The following SEC63 variants were observed in gnomAD, a reference collection of about 807,000 sequenced individuals.
SEC63 encodes the protein SEC63 protein translocation regulator.
SEC63 carries 56 observed loss-of-function variants against 116.2 expected under a neutral mutation model. The ratio of observed to expected loss-of-function variants is 0.48; its 90% CI spans 0.39 to 0.60. SEC63 has a LOEUF of 0.60. Ranked by LOEUF, SEC63 falls within the 20% of genes least tolerant of loss-of-function variation. The pLI, the probability that SEC63 is intolerant of heterozygous loss-of-function variation, is 0.00. For synonymous variants in SEC63, 273 were observed against 294.6 expected (o/e 0.93, Z 0.75); for missense variants, 668 against 900.0 (o/e 0.74, Z 3.30).
At chr6:107,920,392 G>A (rs1247027925) in intron 4 of SEC63, among the ~76,000 whole-genome samples, 1 of 120,080 alleles carries the variant, frequency 8.3e-6, no homozygotes, top group East Asian at 2.6e-4. Context: ...CGCCACTGCA[G>A]TCCAGCCTGG....
intron 1 of SEC63, among the ~76,000 whole-genome samples, chr6:107,951,960 G>A (rs1296523831): frequency 1.4e-5 from 2 of 139,838 alleles, no homozygotes; most frequent in Non-Finnish European, 3.0e-5. Flanking sequence ...GTGACAGAGC[G>A]AGACTCCATC....
intron 2 of SEC63, among the ~76,000 whole-genome samples, chr6:107,926,602 T>TA (rs1013259451): frequency 8.6e-5 from 13 of 152,034 alleles, no homozygotes; most frequent in Admixed American, 6.5e-4. Context: ...CTCAATATGC[T>TA]AAAAACAAAA....
rs766407309 is a variant in SEC63 at position 107,871,846 on chromosome 6, A to C, written c.2141T>G (p.Leu714Trp). ...MGLDQIKPLKLEVHEAKPVPE... is the reference protein window; with the variant it reads ...MGLDQIKPLKWEVHEAKPVPE... ...CACAGGCTTAGCCTCATGAACTTCCAACTAGAAAGAAGAATTAAATGTAGA... is the reference window on the plus strand; with the variant it reads ...CACAGGCTTAGCCTCATGAACTTCCCACTAGAAAGAAGAATTAAATGTAGA... Residue 714 changes from leucine (L) to tryptophan (W), a missense_variant and splice_region_variant, in exon 21 of 21, where the codon TTG (leucine) becomes TGG (tryptophan). By Grantham distance (61) the Leu-to-Trp change is moderately conservative. Transcript: ENST00000369002. 6.2e-7 allele frequency: 1 copy of C among 1,613,534 alleles called. No homozygotes were observed.
At chr6:107,938,624 G>A (rs909344141) in intron 1 of SEC63, among the ~76,000 whole-genome samples, 14 of 150,180 alleles carry the variant, frequency 9.3e-5, no homozygotes, top group East Asian at 5.9e-4. Flanking sequence ...GTGCAATGGC[G>A]TGATCTCAGC....
At chr6:107,944,594 G>A (rs1770442594) in intron 1 of SEC63, among the ~76,000 whole-genome samples, 1 of 152,126 alleles carries the variant, frequency 6.6e-6, no homozygotes, top group African/African-American at 2.4e-5. Flanking sequence ...GTACTCAGGA[G>A]GCTGAGGCAG....
chr6:107,911,656 C>G (rs1787286660), intron 6 of SEC63, among the ~76,000 whole-genome samples: 1 of 152,160 alleles, frequency 6.6e-6, no homozygotes, highest in African/African-American at 2.4e-5. Flanking sequence ...AGGATTTGAA[C>G]CCAAGTAGTT....
chr6:107,874,562 C>G (rs1178516615), intron 19 of SEC63, among the ~76,000 whole-genome samples: 2 of 142,996 alleles, frequency 1.4e-5, no homozygotes, highest in East Asian at 2.1e-4. Context: ...TGCCACTGCA[C>G]TCCAGCCTGG....
intron 1 of SEC63, among the ~76,000 whole-genome samples, chr6:107,944,299 T>C (rs572889373): frequency 6.6e-6 from 1 of 152,194 alleles, no homozygotes; most frequent in East Asian, 1.9e-4. Context: ...GGGAAGAAAG[T>C]AATCCTGTCA....
intron 4 of SEC63, among the ~76,000 whole-genome samples, chr6:107,915,615 GGAAA>G (rs2114465661): frequency 6.6e-6 from 1 of 151,764 alleles, no homozygotes; most frequent in South Asian, 2.1e-4. Context: ...AACTCCTAAA[GGAAA>G]GAGTGAAAAT....
At chr6:107,955,651 C>T (rs1199296473) in intron 1 of SEC63, among the ~76,000 whole-genome samples, 4 of 151,820 alleles carry the variant, frequency 2.6e-5, no homozygotes. Flanking sequence ...TTTGGGAGCC[C>T]GAGGAGGGCA....
In SEC63 at chr6:107,958,021, C is replaced by T. The variant is rs1770748621; in HGVS notation, c.-12G>A. On this transcript the variant is annotated 5_prime_UTR_variant, in exon 1 of 21. Transcript: ENST00000369002. ...TGCTGCCCGGCCATGGCACCCCCTC[C>T]TCCGCCTCGCTCTTCTCACCGCCGC... 2 of 1,612,976 alleles carry T rather than the reference C, an allele frequency of 1.2e-6. No homozygotes were observed. Among genetic ancestry groups the T allele is most frequent in the South Asian group, 1.1e-5 (1 of 91,082 alleles).
rs1017890474 is a variant in SEC63 at position 107,874,346 on chromosome 6, G to C, written c.2035-1434C>G. Among the ~76,000 whole-genome samples the C allele has an allele frequency of 2.6e-5, 4 of 152,170 alleles. No individual in the cohort carries two copies. In the South Asian group the frequency reaches 8.3e-4, roughly 31 times the overall value. ...ACGGTGGCTCACGCCTGTAATCCCA[G>C]CACTTTGGGAGGCCAAGGCGGGCGG... On this transcript the variant is annotated intron_variant, in intron 19 of 20. Coordinates refer to ENST00000369002, the MANE Select transcript of SEC63 (RefSeq NM_007214.5).
At position 107,872,503 on chromosome 6, in the gene SEC63, TA is replaced by T. The variant is rs35422686; in HGVS notation, c.2139+304del. On this transcript the variant is annotated intron_variant, in intron 20 of 20. Transcript: ENST00000369002. Reference sequence around the variant, plus strand: ...TACACTCCAAATAGAATCTGTGGTTTAAAAAAAAAAAGTGCCTTTCTAAAGA... The same window carrying T: ...TACACTCCAAATAGAATCTGTGGTTTAAAAAAAAAAGTGCCTTTCTAAAGA... Among the ~76,000 whole-genome samples the T allele has an allele frequency of 2.3e-3, 346 of 147,298 alleles. 2 individuals carry two copies. The highest frequency in any genetic ancestry group is 7.1e-3 in the African/African-American group (288 of 40,376).
intron 3 of SEC63, among the ~76,000 whole-genome samples, chr6:107,924,021 T>C (rs1021816604): frequency 6.6e-6 from 1 of 152,062 alleles, no homozygotes. Context: ...TCCCAGCACT[T>C]TGGGAGGCCA....
At chr6:107,917,518 G>C (rs572602392) in intron 4 of SEC63, among the ~76,000 whole-genome samples, 68 of 152,320 alleles carry the variant, frequency 4.5e-4, no homozygotes, top group African/African-American at 1.6e-3. Flanking sequence ...ACTAAGCTTA[G>C]TGAAGAAGGC....
chr6:107,942,940 TATC>T (rs1196890179), intron 1 of SEC63, among the ~76,000 whole-genome samples: 2 of 152,238 alleles, frequency 1.3e-5, no homozygotes, highest in African/African-American at 4.8e-5. Flanking sequence ...TTTCTGGTAT[TATC>T]ATGACTTTTT....
chr6:107,897,520 AAG>A (rs1786885242), intron 14 of SEC63, 127 bp downstream of exon 14: 3 of 721,610 alleles, frequency 4.2e-6, no homozygotes, highest in Non-Finnish European at 7.4e-6. Flanking sequence ...AAAATTTCAA[AAG>A]AGTTAACAGA....
In SEC63 at chr6:107,893,500, T is replaced by G; in HGVS notation, c.1656A>C (p.Ala552=). ...PQSKQQKQKQ[A]NGVVGNEAAV... is the part of the protein sequence containing the mutation. ...AACTTACATTCCCAACGACTCCATT[T>G]GCCTGCTTTTGTTTCTGTTGCTTTG... The change falls in exon 16 of 21, where the codon GCA becomes GCC. Residue 552 remains alanine, a synonymous_variant. Coordinates refer to ENST00000369002, the MANE Select transcript of SEC63 (RefSeq NM_007214.5). 6.2e-7 allele frequency: 1 copy of G among 1,613,210 alleles called. No individual in the cohort carries two copies. The highest frequency in any genetic ancestry group is 8.5e-7 in the Non-Finnish European group (1 of 1,179,904).
chr6:107,869,221 G>A lies in SEC63; in HGVS notation c.*2483C>T, dbSNP rs1562309402. On this transcript the variant is annotated 3_prime_UTR_variant, in exon 21 of 21. Transcript: ENST00000369002. ...ACTTAAAAAAAAAATTATGAAAAAT[G>A]TTTAAAAAATTCAAAAAGGACATGA... 6.6e-6 allele frequency: 1 copy of A among 152,000 alleles called. No individual in the cohort carries two copies. Among genetic ancestry groups the A allele is most frequent in the African/African-American group, 2.4e-5 (1 of 41,336 alleles). The allele number at this position is 152,000 out of a possible 1,614,324, so 9.4% of individuals were successfully genotyped here. A position where few individuals can be genotyped will look rare whatever the true frequency, so the allele number is the denominator to read the frequency against.
Sources: allele counts gnomAD v4.1 joint callset (sites outside exome capture counted in the v4.1 genomes callset), GRCh38; gene constraint gnomAD v4.1.1; transcripts MANE v1.5; gene names NCBI Gene and HGNC (gene_info 2026-07-23, HGNC 2026-07-21).